Variants in NRXN1 observed in about 807,000 individuals in gnomAD.
The protein encoded by NRXN1 is neurexin 1.
A neutral mutation model predicts 150.9 loss-of-function variants in NRXN1; 39 were observed. The observed-to-expected ratio is 0.26, with a 90% confidence interval of 0.20 to 0.34. The LOEUF (loss-of-function observed/expected upper bound fraction) is 0.34. NRXN1 is among the 10% of genes least tolerant of loss of function. The pLI is 1.00. For missense variants in NRXN1, 1,815 were observed against 1,949.9 expected, an observed-to-expected ratio of 0.93 and a Z score of 1.30; for synonymous variants, 924 against 757.0, an observed-to-expected ratio of 1.22 and a Z score of -3.62.
chr2:50,928,788 G>C (rs1454429640), intron 2 of NRXN1, among the ~76,000 whole-genome samples: 3 of 151,924 alleles, frequency 2.0e-5, no homozygotes, highest in Non-Finnish European at 4.4e-5. Flanking sequence ...GTCAAGTTAG[G>C]GAAAATCTCT....
intron 18 of NRXN1, among the ~76,000 whole-genome samples, chr2:50,188,158 C>T (rs2061209427): frequency 1.3e-5 from 2 of 152,054 alleles, no homozygotes; most frequent in African/African-American, 4.8e-5. Flanking sequence ...CAGCTTGATA[C>T]TGATACCAAA....
intron 5 of NRXN1, chr2:50,656,403 G>A (rs761394422): frequency 9.0e-6 from 7 of 776,454 alleles, no homozygotes; most frequent in African/African-American, 1.7e-5. Flanking sequence ...GTGGTCTGAA[G>A]AAGTCACAAA....
chr2:50,935,248 C>T (rs1688358423), intron 2 of NRXN1, among the ~76,000 whole-genome samples: 1 of 151,934 alleles, frequency 6.6e-6, no homozygotes, highest in African/African-American at 2.4e-5. Context: ...AAAAATAAAC[C>T]AAATGAGCAA....
chr2:50,283,589 A>C (rs1168455082), intron 17 of NRXN1, among the ~76,000 whole-genome samples: 4 of 152,208 alleles, frequency 2.6e-5, no homozygotes, highest in African/African-American at 9.7e-5. Context: ...ATCGTTAATT[A>C]GTATTCATTA....
chr2:50,127,456 A>G (rs933723523), intron 18 of NRXN1, among the ~76,000 whole-genome samples: 8 of 152,116 alleles, frequency 5.3e-5, no homozygotes, highest in Non-Finnish European at 1.2e-4. Context: ...AAATATTTAC[A>G]TTTCAAATAT....
At chr2:50,990,599 A>G (rs529510858) in intron 2 of NRXN1, among the ~76,000 whole-genome samples, 1 of 152,148 alleles carries the variant, frequency 6.6e-6, no homozygotes, top group East Asian at 1.9e-4. Flanking sequence ...TCAGGTGTAG[A>G]CATAGACTTT....
chr2:49,944,050 A>G (rs141860865), intron 21 of NRXN1, among the ~76,000 whole-genome samples: 3 of 152,352 alleles, frequency 2.0e-5, no homozygotes, highest in East Asian at 3.9e-4. Context: ...ACTCAAATGC[A>G]GATAGAAGCT....
rs1292144954 is a variant in NRXN1 at position 50,689,852 on chromosome 2, ATTTGTGTG to A, written c.833-66245_833-66238del. ...CCCATCAGCTTGTTTTTTTTTGCTTATTTGTGTGTGTGTGTGTGTGTGTGTGTGTGTGT... is the reference window on the plus strand; with the variant it reads ...CCCATCAGCTTGTTTTTTTTTGCTTATGTGTGTGTGTGTGTGTGTGTGTGT... On this transcript the variant is annotated intron_variant, in intron 5 of 22. Transcript: ENST00000401669. Among the ~76,000 whole-genome samples, 26 of 101,956 alleles carry A rather than the reference ATTTGTGTG, an allele frequency of 2.6e-4. No individual in the cohort carries two copies. The East Asian group carries it at 7.1e-3, about 28-fold the overall frequency. The allele number at this position is 101,956 out of a possible 152,430, so 66.9% of individuals were successfully genotyped here. A position where few individuals can be genotyped will look rare whatever the true frequency, so the allele number is the denominator to read the frequency against.
chr2:50,886,098 G>C (rs1035245165), intron 5 of NRXN1, among the ~76,000 whole-genome samples: 1 of 151,188 alleles, frequency 6.6e-6, no homozygotes, highest in Non-Finnish European at 1.5e-5. Flanking sequence ...CCATTTTTGT[G>C]CTCCTTTTTA....
intron 6 of NRXN1, among the ~76,000 whole-genome samples, chr2:50,622,346 C>A (rs1680175881): frequency 6.6e-6 from 1 of 152,132 alleles, no homozygotes; most frequent in African/African-American, 2.4e-5. Flanking sequence ...AAAGAGAGGG[C>A]TGTTTTGGTA....
intron 5 of NRXN1, among the ~76,000 whole-genome samples, chr2:50,641,607 A>G (rs1456382409): frequency 6.6e-6 from 1 of 152,034 alleles, no homozygotes; most frequent in East Asian, 1.9e-4. Flanking sequence ...ATTCCACTGC[A>G]TTCTGTGGCC....
intron 5 of NRXN1, among the ~76,000 whole-genome samples, chr2:50,727,329 T>C (rs1354333156): frequency 2.0e-5 from 3 of 152,212 alleles, no homozygotes; most frequent in Admixed American, 6.5e-5. Context: ...ACACAGTCAA[T>C]GTGTTAACAC....
chr2:50,010,569 G>A (rs1685488171), intron 21 of NRXN1, among the ~76,000 whole-genome samples: 1 of 151,996 alleles, frequency 6.6e-6, no homozygotes. Context: ...GACCCTCACA[G>A]ACACCATCTG....
intron 8 of NRXN1, among the ~76,000 whole-genome samples, chr2:50,559,934 T>A (rs535150736): frequency 9.9e-5 from 15 of 152,274 alleles, no homozygotes; most frequent in African/African-American, 3.4e-4. Flanking sequence ...TTTTAGCACA[T>A]ATAAAGTTGG....
At chr2:50,535,089 TTA>T (rs1158232792) in intron 10 of NRXN1, among the ~76,000 whole-genome samples, 2 of 152,160 alleles carry the variant, frequency 1.3e-5, no homozygotes, top group Non-Finnish European at 2.9e-5. Flanking sequence ...TTCCTCACAA[TTA>T]GAGTTAATGT....
chr2:50,166,246 G>A (rs1419990434), intron 18 of NRXN1, among the ~76,000 whole-genome samples: 2 of 149,896 alleles, frequency 1.3e-5, no homozygotes, highest in Non-Finnish European at 3.0e-5. Flanking sequence ...AACATTTCTG[G>A]TCCTAGGCAT....
chr2:50,238,533 G>T (rs2065685370), intron 17 of NRXN1, among the ~76,000 whole-genome samples: 1 of 151,998 alleles, frequency 6.6e-6, no homozygotes, highest in African/African-American at 2.4e-5. Context: ...AAAATAGCTT[G>T]TACCAAGAGT....
intron 16 of NRXN1, among the ~76,000 whole-genome samples, chr2:50,469,005 T>C (rs932897665): frequency 2.0e-5 from 3 of 151,634 alleles, no homozygotes; most frequent in Non-Finnish European, 4.4e-5. Flanking sequence ...ATCTTGACTT[T>C]AGTGGGCCTG....
At chr2:50,590,083 T>C (rs1052532624) in intron 8 of NRXN1, among the ~76,000 whole-genome samples, 2 of 152,316 alleles carry the variant, frequency 1.3e-5, no homozygotes, top group East Asian at 1.9e-4. Flanking sequence ...GTATGAAGCA[T>C]AGTAAAATAA....
Sources: allele counts gnomAD v4.1 joint callset (sites outside exome capture counted in the v4.1 genomes callset), GRCh38; gene constraint gnomAD v4.1.1; transcripts MANE v1.5; gene names NCBI Gene and HGNC (gene_info 2026-07-23, HGNC 2026-07-21).